Variants in ZNF519 observed in about 807,000 individuals in gnomAD.
ZNF519 encodes similar to Zinc finger protein 85 (Zinc finger protein HPF4) (HTF1).
A neutral mutation model predicts 7.4 loss-of-function variants in ZNF519; 7 were observed. The ratio of observed to expected loss-of-function variants is 0.94; its 90% CI spans 0.54 to 1.77. The LOEUF is 1.77. ZNF519 is among the 40% of genes most tolerant of loss of function. The probability of loss-of-function intolerance (pLI) is 0.00; values close to 1 mark genes in which losing one functional copy is unlikely to be tolerated. For missense variants in ZNF519, 586 were observed against 623.1 expected, an observed-to-expected ratio of 0.94 and a Z score of 0.63; for synonymous variants, 179 against 203.3, an observed-to-expected ratio of 0.88 and a Z score of 1.02.
intron 2 of ZNF519, among the ~76,000 whole-genome samples, chr18:14,094,403 C>T (rs2046126457): frequency 1.3e-5 from 2 of 152,208 alleles, no homozygotes; most frequent in East Asian, 1.9e-4. Context: ...TTCAGTATAA[C>T]ATTAGCATTG....
At chr18:14,123,579 C>A (rs961185570) in intron 2 of ZNF519, among the ~76,000 whole-genome samples, 1 of 152,108 alleles carries the variant, frequency 6.6e-6, no homozygotes, top group East Asian at 1.9e-4. Context: ...ATTAGCCAGG[C>A]GTGGTGGTGC....
chr18:14,095,554 C>G (rs2046132860), downstream of ZNF519, among the ~76,000 whole-genome samples: 1 of 152,120 alleles, frequency 6.6e-6, no homozygotes, highest in Admixed American at 6.5e-5. Flanking sequence ...ATTATTGGCT[C>G]TAGGCTGCAG....
chr18:14,130,691 T>C (rs1392489662), intron 1 of ZNF519, among the ~76,000 whole-genome samples: 2 of 151,942 alleles, frequency 1.3e-5, no homozygotes, highest in Admixed American at 6.5e-5. Context: ...ACTGCCTCCC[T>C]GGGGTGGGTT....
At chr18:14,118,769 G>C (rs1201043373) in intron 2 of ZNF519, among the ~76,000 whole-genome samples, 2 of 152,124 alleles carry the variant, frequency 1.3e-5, no homozygotes, top group Non-Finnish European at 1.5e-5. Flanking sequence ...AGAGATGCAG[G>C]AAGACACACC....
At chr18:14,109,106 A>T (rs761055363) in intron 2 of ZNF519, among the ~76,000 whole-genome samples, 1 of 151,578 alleles carries the variant, frequency 6.6e-6, no homozygotes, top group Admixed American at 6.6e-5. Context: ...AAACTCAGAG[A>T]AACTCCGTCT....
rs2046173732 is a variant in ZNF519 at position 14,103,781 on chromosome 18, C to T, written c.*1136G>A. On this transcript the variant is annotated 3_prime_UTR_variant, in exon 3 of 3. Coordinates refer to ENST00000590202, the MANE Select transcript of ZNF519 (RefSeq NM_145287.4). ...GACATACCCGATAGTATATCATTAC[C>T]ATTTACTACCTGGAATCTTGAGCAA... 2 of 152,038 alleles carry T rather than the reference C, an allele frequency of 1.3e-5. No individual in the cohort carries two copies. The allele number at this position is 152,038 out of a possible 1,614,324, so 9.4% of individuals were successfully genotyped here. A position where few individuals can be genotyped will look rare whatever the true frequency, so the allele number is the denominator to read the frequency against.
chr18:14,131,496 C>A (rs1460829912), intron 1 of ZNF519, among the ~76,000 whole-genome samples: 1 of 152,150 alleles, frequency 6.6e-6, no homozygotes, highest in Non-Finnish European at 1.5e-5. Flanking sequence ...ACCCTGCTTG[C>A]CACACATTTG....
At chr18:14,110,905 G>A (rs2046216974) in intron 2 of ZNF519, among the ~76,000 whole-genome samples, 1 of 152,070 alleles carries the variant, frequency 6.6e-6, no homozygotes, top group Non-Finnish European at 1.5e-5. Flanking sequence ...AGGCTGGGAG[G>A]CGGGTGAGGG....
At chr18:14,113,357 G>A (rs1483279521) in intron 2 of ZNF519, among the ~76,000 whole-genome samples, 3 of 152,204 alleles carry the variant, frequency 2.0e-5, no homozygotes, top group South Asian at 2.1e-4. Context: ...GAATGCAACC[G>A]TTTGTCTCCC....
rs1033541023 is a variant in ZNF519 at position 14,103,945 on chromosome 18, T to G, written c.*972A>C. 1 of 152,162 alleles carries G rather than the reference T, an allele frequency of 6.6e-6. No individual in the cohort carries two copies. Among genetic ancestry groups the G allele is most frequent in the Non-Finnish European group, 1.5e-5 (1 of 67,992 alleles). The allele number at this position is 152,162 out of a possible 1,614,324, so 9.4% of individuals were successfully genotyped here. A position where few individuals can be genotyped will look rare whatever the true frequency, so the allele number is the denominator to read the frequency against. Reference sequence around the variant, plus strand: ...GAATAAAGCATTTCAAAATCCAGTTTCCTCAATCATCAAAATTACAGACTG... The same window carrying G: ...GAATAAAGCATTTCAAAATCCAGTTGCCTCAATCATCAAAATTACAGACTG... On this transcript the variant is annotated 3_prime_UTR_variant, in exon 3 of 3. Coordinates refer to ENST00000590202, the MANE Select transcript of ZNF519 (RefSeq NM_145287.4).
In ZNF519 at chr18:14,103,339, A is replaced by C. The variant is rs72879724; in HGVS notation, c.*1578T>G. The stretch of plus-strand genomic sequence containing the variant: ...CAATAAAATTAACAGGATCAAAATA[A>C]TCCAAAGTATTTTCCCTGACTTTAG... On this transcript the variant is annotated 3_prime_UTR_variant, in exon 3 of 3. Transcript: ENST00000590202. 25 of 152,018 alleles carry C rather than the reference A, an allele frequency of 1.6e-4. No individual in the cohort carries two copies. Among genetic ancestry groups the C allele is most frequent in the Non-Finnish European group, 3.4e-4 (23 of 67,946 alleles). 9.4% of individuals were successfully genotyped at this position (152,018 alleles called of 1,614,324 possible). A position where few individuals can be genotyped will look rare whatever the true frequency, so the allele number is the denominator to read the frequency against.
chr18:14,112,396 A>G (rs1470426272), intron 2 of ZNF519, among the ~76,000 whole-genome samples: 1 of 152,202 alleles, frequency 6.6e-6, no homozygotes, highest in East Asian at 1.9e-4. Flanking sequence ...CCTAAGATTG[A>G]GAACATGACA....
intron 2 of ZNF519, chr18:14,123,224 A>T: frequency 5.4e-6 from 1 of 184,078 alleles, no homozygotes; most frequent in Non-Finnish European, 1.2e-5. Flanking sequence ...TTATTAAAAA[A>T]AAAAAAAAAA....
intron 2 of ZNF519, among the ~76,000 whole-genome samples, chr18:14,087,244 A>C (rs1178989896): frequency 1.3e-5 from 2 of 152,216 alleles, no homozygotes; most frequent in African/African-American, 4.8e-5. Context: ...ACTGAATGGG[A>C]AAAGCTGGAT....
In ZNF519 at chr18:14,124,333, A is replaced by G. The variant is rs1459100399; in HGVS notation, c.130+17T>C. The G allele has an allele frequency of 6.3e-7, 1 of 1,590,408 alleles. No homozygotes were observed. The highest frequency in any genetic ancestry group is 2.2e-5 in the East Asian group (1 of 44,624). ...TCTGAGGGAGAATTAGGAATTATGT[A>G]TTGAAGTTATTCTCACCCAGGGAGA... On this transcript the variant is annotated intron_variant, in intron 2 of 2. Transcript: ENST00000590202.
At chr18:14,096,193 C>G (rs1366147002), downstream of ZNF519, among the ~76,000 whole-genome samples, 1 of 152,202 alleles carries the variant, frequency 6.6e-6, no homozygotes, top group Non-Finnish European at 1.5e-5. Flanking sequence ...ACTTCTTTCC[C>G]CCGAGTGGGC....
chr18:14,125,522 A>T (rs2143168907), intron 1 of ZNF519, among the ~76,000 whole-genome samples: 1 of 152,296 alleles, frequency 6.6e-6, no homozygotes, highest in African/African-American at 2.4e-5. Flanking sequence ...TAAAAATAAA[A>T]TGTATAGAAT....
At position 14,105,064 on chromosome 18, in the gene ZNF519, T is replaced by C. The variant is rs2046181279; in HGVS notation, c.1476A>G (p.Glu492=). The C allele has an allele frequency of 1.2e-6, 2 of 1,611,998 alleles. No homozygotes were observed. Among genetic ancestry groups the C allele is most frequent in the African/African-American group, 2.7e-5 (2 of 74,782 alleles). The change falls in exon 3 of 3, where the codon GAA becomes GAG. Residue 492 remains glutamate (E), a synonymous_variant. Transcript: ENST00000590202. ...HTGEKFFKCK[E]CGKAFTRSSH... Reference sequence around the variant, plus strand: ...AGCTCCTGGTAAAAGCTTTGCCACATTCTTTACATTTGAAGAATTTCTCTC... The same window carrying C: ...AGCTCCTGGTAAAAGCTTTGCCACACTCTTTACATTTGAAGAATTTCTCTC...
At chr18:14,108,687 T>TA (rs1397406052) in intron 2 of ZNF519, among the ~76,000 whole-genome samples, 5 of 151,316 alleles carry the variant, frequency 3.3e-5, no homozygotes, top group Admixed American at 2.0e-4. Context: ...TAAAAAGATT[T>TA]AAAAAATTCC....
Sources: gnomAD v4.1 joint callset for allele counts (sites outside exome capture counted in the v4.1 genomes callset) on GRCh38, gnomAD v4.1.1 for gene constraint, MANE v1.5 for transcripts, NCBI Gene and HGNC (gene_info 2026-07-23, HGNC 2026-07-21) for gene names.